CD302: variants seen among roughly 807,000 people sequenced by gnomAD.
CD302 encodes the protein CD302 molecule.
In CD302, 23 loss-of-function variants were observed where a neutral mutation model predicts 26.5. The observed-to-expected ratio is 0.87, with a 90% CI of 0.62 to 1.23. The LOEUF (loss-of-function observed/expected upper bound fraction) is 1.23, where lower values mean the gene tolerates loss of function less well. CD302 is among the 50% of genes most tolerant of loss of function. CD302 has a pLI of 0.00. For missense variants in CD302, 290 were observed against 275.5 expected, an observed-to-expected ratio of 1.05 and a Z score of -0.37; for synonymous variants, 90 against 99.4, an observed-to-expected ratio of 0.91 and a Z score of 0.56.
rs1409343446 is a variant in CD302 at position 159,789,644 on chromosome 2, T to C, written c.68-6175A>G. On this transcript the variant is annotated intron_variant, in intron 1 of 5. Transcript: ENST00000259053. ...ATTGTAGTAACTCTAAATGATGTTA[T>C]CTTCCTTTAGAAAGGATTCTGATCA... Among the ~76,000 whole-genome samples the C allele has an allele frequency of 3.3e-5, 5 of 152,130 alleles. No individual in the cohort carries two copies. In the East Asian group the frequency reaches 9.6e-4, roughly 29 times the overall value.
At chr2:159,782,111 A>G (rs1194812791) in intron 2 of CD302, among the ~76,000 whole-genome samples, 1 of 152,056 alleles carries the variant, frequency 6.6e-6, no homozygotes, top group Non-Finnish European at 1.5e-5. Flanking sequence ...TACTAAAAAT[A>G]CAAAAAATTA....
chr2:159,797,720 G>A (rs1236955306), intron 1 of CD302, among the ~76,000 whole-genome samples: 1 of 152,106 alleles, frequency 6.6e-6, no homozygotes, highest in Admixed American at 6.5e-5. Context: ...ACCCCACTCC[G>A]GCCGCGCACC....
intron 2 of CD302, among the ~76,000 whole-genome samples, chr2:159,782,972 G>A (rs1467161017): frequency 6.6e-6 from 1 of 152,136 alleles, no homozygotes; most frequent in East Asian, 1.9e-4. Context: ...TCCTGGCTTT[G>A]TCAATTATTT....
At chr2:159,780,257 G>T in intron 3 of CD302, 79 bp from the exon 4 acceptor site, 1 of 1,483,938 alleles carries the variant, frequency 6.7e-7, no homozygotes, top group East Asian at 2.3e-5. Context: ...GATTAAAGGT[G>T]GAAAGTTACT....
rs1028163184 is a variant in CD302, at chr2:159,771,081, T to G, written c.*770A>C. On this transcript the variant is annotated 3_prime_UTR_variant, in exon 6 of 6. Coordinates refer to ENST00000259053, the MANE Select transcript of CD302 (RefSeq NM_014880.5). ...GGTTTTTGCTTGCACAGTTTTCATG[T>G]CATTGAAGGAAAAATTTATAAATGC... The G allele has an allele frequency of 6.6e-6, 1 of 152,162 alleles. No individual in the cohort carries two copies. Among genetic ancestry groups the G allele is most frequent in the African/African-American group, 2.4e-5 (1 of 41,454 alleles). 9.4% of individuals were successfully genotyped at this position (152,162 alleles called of 1,614,324 possible).
At chr2:159,782,414 C>CAA (rs72068957) in intron 2 of CD302, among the ~76,000 whole-genome samples, 7,758 of 69,874 alleles carry the variant, frequency 0.11, 822 homozygotes, top group African/African-American at 0.17. Context: ...CTCCATCTCA[C>CAA]AAAAAAAAAA....
rs3771723 is a variant in CD302 at position 159,769,026 on chromosome 2, T to C, written c.*2825A>G. 33 of 152,322 alleles carry C rather than the reference T, an allele frequency of 2.2e-4. No individual in the cohort carries two copies. The East Asian group carries it at 3.5e-3, about 16-fold the overall frequency. 9.4% of individuals were successfully genotyped at this position (152,322 alleles called of 1,614,324 possible). A position where few individuals can be genotyped will look rare whatever the true frequency, so the allele number is the denominator to read the frequency against. ...CCTAGTACCACTTAGTATTTAAATA[T>C]TGTCATATTAGCTTCAGATTATCAT... On this transcript the variant is annotated 3_prime_UTR_variant, in exon 6 of 6. Coordinates refer to ENST00000259053, the MANE Select transcript of CD302 (RefSeq NM_014880.5).
chr2:159,778,130 T>C (rs957440582), intron 4 of CD302, among the ~76,000 whole-genome samples, 166 bp from the exon 5 acceptor site: 7 of 152,110 alleles, frequency 4.6e-5, no homozygotes, highest in African/African-American at 1.7e-4. Context: ...GTTGTCTCTG[T>C]TGTCTATTTT....
intron 1 of CD302, among the ~76,000 whole-genome samples, chr2:159,795,830 C>G (rs1417566503): frequency 1.3e-5 from 2 of 152,198 alleles, no homozygotes; most frequent in Non-Finnish European, 2.9e-5. Flanking sequence ...AATTCAAAAT[C>G]CCTAGATTCT....
At position 159,771,758 on chromosome 2, in the gene CD302, T is replaced by A; in HGVS notation, c.*93A>T. On this transcript the variant is annotated 3_prime_UTR_variant, in exon 6 of 6. Transcript: ENST00000259053. The stretch of plus-strand genomic sequence containing the variant: ...GGAATAAGGAATACCATTAAAGCTC[T>A]AATATCCAATGTCAAGTTTTATATT... The A allele has an allele frequency of 7.3e-7, 1 of 1,373,314 alleles. No homozygotes were observed. Among genetic ancestry groups the A allele is most frequent in the Non-Finnish European group, 1.0e-6 (1 of 996,276 alleles). The allele number at this position is 1,373,314 out of a possible 1,614,324, so 85.1% of individuals were successfully genotyped here. A position where few individuals can be genotyped will look rare whatever the true frequency, so the allele number is the denominator to read the frequency against.
chr2:159,780,061 C>T lies in CD302; in HGVS notation c.413G>A (p.Trp138Ter), dbSNP rs774039621. The stretch of plus-strand genomic sequence containing the variant: ...AGAAACTTCACAATTTCCTTTTTTC[C>T]ATTCACCTGTCTTGATGTGCAGAAA... ...CAFLHIKTGE[W>*]KKGNCEVSSV... Residue 138 changes from tryptophan (W) to a stop codon, truncating the protein, a stop_gained, in exon 4 of 6, where the codon TGG (tryptophan) becomes TAG (stop). Transcript: ENST00000259053. LOFTEE classifies it high-confidence loss of function. The T allele has an allele frequency of 2.5e-6, 4 of 1,613,850 alleles. No homozygotes were observed. In the East Asian group the frequency reaches 6.7e-5, roughly 27 times the overall value.
Position 159,798,134 on chromosome 2 carries a change from G to T in CD302, c.65C>A (p.Ala22Glu). Residue 22 changes from alanine to glutamate, a missense_variant and splice_region_variant, in exon 1 of 6, where the codon GCG (alanine) becomes GAG (glutamate). By Grantham distance (107) the Ala-to-Glu change is moderately radical (BLOSUM62 -1). Transcript: ENST00000259053. ...CGAGGGACTACGTAAGGGCTTACCC[G>T]CGACGGCAGCAGCGGCGAGGCCCAG... ...PLLGLAAAAV[A>E]DCPSSTWIQF... The T allele has an allele frequency of 6.7e-7, 1 of 1,487,688 alleles. No individual in the cohort carries two copies. Among genetic ancestry groups the T allele is most frequent in the Non-Finnish European group, 8.9e-7 (1 of 1,124,494 alleles). The allele number at this position is 1,487,688 out of a possible 1,614,324, so 92.2% of individuals were successfully genotyped here.
At position 159,769,323 on chromosome 2, in the gene CD302, C is replaced by A. The variant is rs1708057132; in HGVS notation, c.*2528G>T. 6.6e-6 allele frequency: 1 copy of A among 152,164 alleles called. No homozygotes were observed. Among genetic ancestry groups the A allele is most frequent in the Non-Finnish European group, 1.5e-5 (1 of 68,016 alleles). 9.4% of individuals were successfully genotyped at this position (152,164 alleles called of 1,614,324 possible). On this transcript the variant is annotated 3_prime_UTR_variant, in exon 6 of 6. Transcript: ENST00000259053. ...TCTTCACTAATGAGTAGATAAGGTG[C>A]CTGTTATAGATGTTCTGGTATATAA...
chr2:159,796,323 A>G (rs761457892), intron 1 of CD302, among the ~76,000 whole-genome samples: 3 of 152,204 alleles, frequency 2.0e-5, no homozygotes, highest in Non-Finnish European at 4.4e-5. Flanking sequence ...TAACATTAGC[A>G]TACATATGAA....
chr2:159,795,541 A>G (rs549059883), intron 1 of CD302, among the ~76,000 whole-genome samples: 4 of 152,372 alleles, frequency 2.6e-5, no homozygotes, highest in South Asian at 2.1e-4. Context: ...GCATTCAGAA[A>G]GGCTTGGAAA....
chr2:159,791,316 T>C (rs1708801761), intron 1 of CD302, among the ~76,000 whole-genome samples: 1 of 152,232 alleles, frequency 6.6e-6, no homozygotes, highest in Non-Finnish European at 1.5e-5. Flanking sequence ...CTAGGCCCCA[T>C]ATTGGGCTGA....
chr2:159,797,237 T>G (rs970602148), intron 1 of CD302, among the ~76,000 whole-genome samples: 7 of 148,894 alleles, frequency 4.7e-5, no homozygotes, highest in African/African-American at 1.7e-4. Context: ...GGGGGGAATC[T>G]CTTGCATTTT....
At chr2:159,776,900 T>C (rs750860034) in intron 5 of CD302, among the ~76,000 whole-genome samples, 13 of 152,014 alleles carry the variant, frequency 8.6e-5, no homozygotes, top group Admixed American at 7.2e-4. Flanking sequence ...CCGGCCCATA[T>C]CCAAATTTAA....
intron 5 of CD302, among the ~76,000 whole-genome samples, chr2:159,777,438 T>C (rs1330001691): frequency 6.6e-6 from 1 of 152,166 alleles, no homozygotes. Context: ...TTCAAGCATT[T>C]TGAAAAATTA....
Sources: allele counts gnomAD v4.1 joint callset (sites outside exome capture counted in the v4.1 genomes callset), GRCh38; gene constraint gnomAD v4.1.1; transcripts MANE v1.5; gene names NCBI Gene and HGNC (gene_info 2026-07-23, HGNC 2026-07-21).